The following PATJ variants were observed in gnomAD, a reference collection of about 807,000 sequenced individuals.
The protein encoded by PATJ is inaD-like protein.
A neutral mutation model predicts 224.9 loss-of-function variants in PATJ; 190 were observed. The observed-to-expected ratio is 0.84, with a 90% CI of 0.75 to 0.95. PATJ has a LOEUF of 0.95. Among genes scored for constraint, PATJ ranks in the 40% least tolerant of loss-of-function variants. The probability of loss-of-function intolerance (pLI) is 0.00; values close to 1 mark genes in which losing one functional copy is unlikely to be tolerated. For synonymous variants in PATJ, 769 were observed against 820.3 expected (o/e 0.94, Z 1.07); for missense variants, 2,121 against 2,270.3 (o/e 0.93, Z 1.34).
chr1:61,787,374 G>T (rs1374453236), intron 7 of PATJ, among the ~76,000 whole-genome samples: 1 of 152,146 alleles, frequency 6.6e-6, no homozygotes, highest in Non-Finnish European at 1.5e-5. Context: ...GAGGATGTTG[G>T]TTGTGAAGTT....
At chr1:61,938,308 G>A (rs1012699161) in intron 27 of PATJ, among the ~76,000 whole-genome samples, 1 of 152,110 alleles carries the variant, frequency 6.6e-6, no homozygotes, top group Non-Finnish European at 1.5e-5. Flanking sequence ...TTTGTCCAGA[G>A]TGCTAGTATT....
At chr1:62,050,167 T>G (rs1468055379) in intron 30 of PATJ, among the ~76,000 whole-genome samples, 1 of 147,868 alleles carries the variant, frequency 6.8e-6, no homozygotes, top group Non-Finnish European at 1.5e-5. Flanking sequence ...AAGAAACATT[T>G]TTTATTAAAT....
intron 17 of PATJ, among the ~76,000 whole-genome samples, chr1:61,839,049 C>T (rs1660663688): frequency 6.6e-6 from 1 of 152,042 alleles, no homozygotes; most frequent in Admixed American, 6.6e-5. Context: ...AGTAATTAGT[C>T]CAATTCATAC....
At chr1:61,958,057 G>C (rs899005578) in intron 27 of PATJ, among the ~76,000 whole-genome samples, 3 of 152,106 alleles carry the variant, frequency 2.0e-5, no homozygotes, top group African/African-American at 7.2e-5. Context: ...GAAAAGTTTA[G>C]CTATATACAA....
At chr1:61,889,866 A>G (rs1213090332) in intron 22 of PATJ, among the ~76,000 whole-genome samples, 1 of 152,256 alleles carries the variant, frequency 6.6e-6, no homozygotes, top group East Asian at 1.9e-4. Flanking sequence ...AAAACTGCAG[A>G]AAGCAATACC....
intron 43 of PATJ, among the ~76,000 whole-genome samples, chr1:62,158,262 A>G (rs1189417513): frequency 6.7e-6 from 1 of 149,494 alleles, no homozygotes; most frequent in Non-Finnish European, 1.5e-5. Context: ...TTGGTAAAGT[A>G]GGAGAGTAGA....
In PATJ at chr1:62,158,458, A is replaced by G. The variant is rs548285295; in HGVS notation, c.5503-2450A>G. Among the ~76,000 whole-genome samples, 93 of 148,574 alleles carry G rather than the reference A, an allele frequency of 6.3e-4. 11 individuals are homozygous for G. Among genetic ancestry groups the G allele is most frequent in the South Asian group, 1.4e-3 (6 of 4,422 alleles). On this transcript the variant is annotated intron_variant, in intron 43 of 43. Coordinates refer to ENST00000642238, the MANE Select transcript of PATJ (RefSeq NM_001350145.3). ...GACCAGGCCGGTCACGGTGGCTCAC[A>G]CCTGTAATCCCAGCACTTTGGGAGG...
At chr1:62,020,639 A>G (rs1647024878) in intron 29 of PATJ, among the ~76,000 whole-genome samples, 1 of 152,208 alleles carries the variant, frequency 6.6e-6, no homozygotes, top group South Asian at 2.1e-4. Context: ...CAAGAAAAGA[A>G]TTTGTTGACT....
At chr1:61,777,538 A>G (rs1306384928) in intron 7 of PATJ, among the ~76,000 whole-genome samples, 1 of 152,108 alleles carries the variant, frequency 6.6e-6, no homozygotes, top group Non-Finnish European at 1.5e-5. Context: ...GTCTCAAGAA[A>G]AAAAATAAAA....
Position 62,024,884 on chromosome 1 carries a change from G to A in PATJ, c.3959+6937G>A, listed in dbSNP as rs550145945. Among the ~76,000 whole-genome samples the A allele has an allele frequency of 1.2e-4, 18 of 152,158 alleles. No homozygotes were observed. In the South Asian group the frequency reaches 2.3e-3, roughly 19 times the overall value. ...GCAAGCAATGTGAGTGACTTGATAC[G>A]AATGGTGTTTATTCATAGAGCCACA... On this transcript the variant is annotated intron_variant, in intron 29 of 43. Coordinates refer to ENST00000642238, the MANE Select transcript of PATJ (RefSeq NM_001350145.3).
chr1:61,826,694 TAAAG>T (rs995539140), intron 15 of PATJ, among the ~76,000 whole-genome samples: 1 of 152,236 alleles, frequency 6.6e-6, no homozygotes, highest in African/African-American at 2.4e-5. Context: ...TAATCATTAA[TAAAG>T]AATACTTTTT....
intron 26 of PATJ, among the ~76,000 whole-genome samples, chr1:61,915,928 A>G (rs1425486703): frequency 6.6e-6 from 1 of 151,956 alleles, no homozygotes; most frequent in Non-Finnish European, 1.5e-5. Context: ...ATCTCTTGAC[A>G]TTGTGATCCA....
intron 14 of PATJ, among the ~76,000 whole-genome samples, chr1:61,809,842 C>A (rs1453336222): frequency 3.0e-5 from 4 of 131,820 alleles, no homozygotes; most frequent in Non-Finnish European, 6.5e-5. Context: ...TTTCAATTTT[C>A]TTTTCTTTCT....
intron 22 of PATJ, 145 bp from the exon 23 acceptor site, chr1:61,899,438 A>G: frequency 2.1e-6 from 1 of 473,614 alleles, no homozygotes. Flanking sequence ...TGCTTTGCAT[A>G]TTTATTGATG....
intron 26 of PATJ, among the ~76,000 whole-genome samples, chr1:61,916,474 C>A (rs1392654017): frequency 6.6e-6 from 1 of 151,976 alleles, no homozygotes; most frequent in Non-Finnish European, 1.5e-5. Flanking sequence ...TTTATTGTAT[C>A]TGCTAAGACC....
intron 17 of PATJ, among the ~76,000 whole-genome samples, chr1:61,852,298 A>G (rs967082834): frequency 6.6e-6 from 1 of 152,084 alleles, no homozygotes; most frequent in South Asian, 2.1e-4. Context: ...ATGTTCTATG[A>G]TTGGTCTCTG....
intron 7 of PATJ, among the ~76,000 whole-genome samples, chr1:61,784,683 C>T (rs1648112208): frequency 6.6e-6 from 1 of 152,166 alleles, no homozygotes; most frequent in South Asian, 2.1e-4. Context: ...TTGATCAGTG[C>T]ATAATTCTGT....
Position 61,884,423 on chromosome 1 carries a change from C to A in PATJ, c.3131+15C>A. The A allele has an allele frequency of 4.3e-6, 5 of 1,166,932 alleles. No individual in the cohort carries two copies. The highest frequency in any genetic ancestry group is 2.1e-5 in the South Asian group (1 of 47,058). The allele number at this position is 1,166,932 out of a possible 1,614,324, so 72.3% of individuals were successfully genotyped here. ...ACTGATACATGGTATGATATCATTT[C>A]TCTTTGTTTTCACATTATAAAATAG... On this transcript the variant is annotated intron_variant, in intron 22 of 43. Transcript: ENST00000642238.
Position 61,940,866 on chromosome 1 carries a change from T to TA in PATJ, c.3670+13037_3670+13038insA, listed in dbSNP as rs1468446197. ...AGCAAGATTGAATAGGACCGGTACT[T>TA]TATTAACACTGTTTACTGCTGGATT... On this transcript the variant is annotated intron_variant, in intron 27 of 43. Coordinates refer to ENST00000642238, the MANE Select transcript of PATJ (RefSeq NM_001350145.3). Among the ~76,000 whole-genome samples the TA allele has an allele frequency of 4.6e-5, 7 of 152,288 alleles. No individual in the cohort carries two copies. The East Asian group carries it at 7.7e-4, about 17-fold the overall frequency.
Sources: allele counts gnomAD v4.1 joint callset (sites outside exome capture counted in the v4.1 genomes callset), GRCh38; gene constraint gnomAD v4.1.1; transcripts MANE v1.5; gene names NCBI Gene and HGNC (gene_info 2026-07-23, HGNC 2026-07-21).